The following CCDC171 variants were observed in gnomAD, a reference collection of about 807,000 sequenced individuals.
The protein encoded by CCDC171 is coiled-coil domain-containing protein 171.
Under a neutral mutation model 168.2 loss-of-function variants are expected in CCDC171, and 177 were observed. That is an observed-to-expected ratio of 1.05 (90% CI 0.93 to 1.19). The LOEUF is 1.19. CCDC171 is among the 50% of genes most tolerant of loss of function. The pLI, the probability that CCDC171 is intolerant of heterozygous loss-of-function variation, is 0.00. For missense variants in CCDC171, 1,991 were observed against 1,539.0 expected, an observed-to-expected ratio of 1.29 and a Z score of -4.91; for synonymous variants, 687 against 540.8, an observed-to-expected ratio of 1.27 and a Z score of -3.75.
chr9:16,068,406 C>T, the CCDC171 span, among the ~76,000 whole-genome samples: 51 of 152,102 alleles, frequency 3.4e-4, no homozygotes, highest in Admixed American at 3.0e-3. Context: ...AGATTCAATG[C>T]CATCCCCATC....
At chr9:15,862,657 C>G (rs1260357244) in intron 23 of CCDC171, among the ~76,000 whole-genome samples, 1 of 151,524 alleles carries the variant, frequency 6.6e-6, no homozygotes, top group African/African-American at 2.4e-5. Flanking sequence ...TACCATCTCT[C>G]TCAGACTTCA....
intron 18 of CCDC171, among the ~76,000 whole-genome samples, chr9:15,769,957 A>T (rs758323351): frequency 2.0e-5 from 3 of 152,200 alleles, no homozygotes; most frequent in Non-Finnish European, 1.5e-5. Context: ...TTTCCTTTCC[A>T]ATACAAATTG....
At chr9:16,096,333 G>A in the CCDC171 span, among the ~76,000 whole-genome samples, 11 of 152,282 alleles carry the variant, frequency 7.2e-5, no homozygotes, top group African/African-American at 2.2e-4. Flanking sequence ...CTGCATAAAG[G>A]ACAACCACAT....
rs561243125 is a variant in CCDC171 at position 15,642,610 on chromosome 9, T to A, written c.823-14517T>A. Reference sequence around the variant, plus strand: ...AAAAAATTATTAAGAAGGCTTAAATTTCATTATGTCTATCAACAAACCCTA... The same window carrying A: ...AAAAAATTATTAAGAAGGCTTAAATATCATTATGTCTATCAACAAACCCTA... On this transcript the variant is annotated intron_variant, in intron 7 of 25. Transcript: ENST00000380701. 1.9e-3 allele frequency among the ~76,000 whole-genome samples: 282 copies of A among 151,952 alleles called. 1 individual carries two copies. The highest frequency in any genetic ancestry group is 5.2e-3 in the African/African-American group (217 of 41,462).
intron 21 of CCDC171, among the ~76,000 whole-genome samples, chr9:15,790,178 G>A (rs566835777): frequency 6.6e-6 from 1 of 152,328 alleles, no homozygotes; most frequent in Non-Finnish European, 1.5e-5. Context: ...TTGCCGCATT[G>A]TCTTCCACAA....
downstream of CCDC171, chr9:16,061,415 A>G (rs1483962830): frequency 6.6e-6 from 1 of 152,148 alleles, no homozygotes; most frequent in East Asian, 1.9e-4. Flanking sequence ...AATCTATTAG[A>G]TCCCATTCAG....
intron 9 of CCDC171, 139 bp downstream of exon 9, chr9:15,666,462 A>G: frequency 1.7e-6 from 1 of 577,524 alleles, no homozygotes; most frequent in Non-Finnish European, 3.0e-6. Flanking sequence ...ACTTCATAAA[A>G]CATAACTATA....
intron 25 of CCDC171, among the ~76,000 whole-genome samples, chr9:15,930,919 T>G (rs572879169): frequency 1.3e-5 from 2 of 151,686 alleles, no homozygotes; most frequent in Non-Finnish European, 3.0e-5. Flanking sequence ...GTCAGGGTAG[T>G]TAGTGTATCC....
intron 23 of CCDC171, among the ~76,000 whole-genome samples, chr9:15,860,071 A>C (rs748953495): frequency 1.3e-5 from 2 of 151,618 alleles, no homozygotes; most frequent in African/African-American, 4.8e-5. Flanking sequence ...TATATTGCAT[A>C]TAATTGTTCA....
chr9:15,583,066 C>T (rs534972584), intron 4 of CCDC171, among the ~76,000 whole-genome samples: 1 of 152,174 alleles, frequency 6.6e-6, no homozygotes, highest in South Asian at 2.1e-4. Context: ...GCACAATTCA[C>T]AATTGCAAAA....
At chr9:15,837,726 C>G (rs117427805) in intron 21 of CCDC171, among the ~76,000 whole-genome samples, 8 of 152,282 alleles carry the variant, frequency 5.3e-5, no homozygotes, top group Admixed American at 1.3e-4. Context: ...CAGCTTCACT[C>G]TCTTTTTCTT....
chr9:15,613,135 A>G (rs2131880562), intron 6 of CCDC171, among the ~76,000 whole-genome samples: 1 of 152,254 alleles, frequency 6.6e-6, no homozygotes, highest in South Asian at 2.1e-4. Context: ...GAACTGACGG[A>G]CTGTTTTCTA....
At chr9:15,895,919 T>A (rs1820834841) in intron 24 of CCDC171, among the ~76,000 whole-genome samples, 1 of 152,084 alleles carries the variant, frequency 6.6e-6, no homozygotes, top group Non-Finnish European at 1.5e-5. Context: ...TAGTATCTTC[T>A]GAGAAACTCA....
At chr9:15,918,687 A>T (rs1824886203) in intron 24 of CCDC171, among the ~76,000 whole-genome samples, 1 of 151,600 alleles carries the variant, frequency 6.6e-6, no homozygotes, top group Non-Finnish European at 1.5e-5. Context: ...ATGCTTATGT[A>T]GTGTTGGTTA....
chr9:15,705,302 A>G (rs2052130382), intron 11 of CCDC171, among the ~76,000 whole-genome samples: 1 of 152,336 alleles, frequency 6.6e-6, no homozygotes, highest in East Asian at 1.9e-4. Context: ...AAAAAACCTA[A>G]GTTAGAGTGT....
chr9:15,623,169 G>T, intron 6 of CCDC171, 98 bp from the exon 7 acceptor site: 1 of 776,018 alleles, frequency 1.3e-6, no homozygotes, highest in Non-Finnish European at 1.9e-6. Flanking sequence ...TATTATAGTT[G>T]AAGCACAGAT....
intron 4 of CCDC171, chr9:15,587,787 C>A: frequency 1.0e-5 from 3 of 297,628 alleles, no homozygotes; most frequent in Non-Finnish European, 2.1e-5. Context: ...ATGAGGAAAC[C>A]CTTTAAAATG....
At chr9:15,947,449 A>G (rs1256381250) in intron 25 of CCDC171, among the ~76,000 whole-genome samples, 2 of 151,986 alleles carry the variant, frequency 1.3e-5, no homozygotes, top group Admixed American at 1.3e-4. Context: ...AGAATTCTAC[A>G]GTATTTGTCT....
intron 6 of CCDC171, among the ~76,000 whole-genome samples, chr9:15,617,910 C>CA (rs2044210841): frequency 6.6e-6 from 1 of 152,172 alleles, no homozygotes; most frequent in Non-Finnish European, 1.5e-5. Context: ...AGCCTGATGC[C>CA]AGCTGGAGCT....
Sources: allele counts gnomAD v4.1 joint callset (sites outside exome capture counted in the v4.1 genomes callset), GRCh38; gene constraint gnomAD v4.1.1; transcripts MANE v1.5; gene names NCBI Gene and HGNC (gene_info 2026-07-23, HGNC 2026-07-21).